Variants in SEC24A observed in about 807,000 individuals in gnomAD.
The protein encoded by SEC24A is protein transport protein Sec24A.
SEC24A carries 93 observed loss-of-function variants against 129.4 expected under a neutral mutation model. That is an observed-to-expected ratio of 0.72 (90% confidence interval 0.61 to 0.85). The LOEUF is 0.85. Among genes scored for constraint, SEC24A ranks in the 40% least tolerant of loss-of-function variants. The probability of loss-of-function intolerance (pLI) is 0.00; values close to 1 mark genes in which losing one functional copy is unlikely to be tolerated. For missense variants in SEC24A, 1,264 were observed against 1,307.4 expected (o/e 0.97, Z 0.51); for synonymous variants, 460 against 467.3 (o/e 0.98, Z 0.20).
intron 17 of SEC24A, among the ~76,000 whole-genome samples, chr5:134,707,730 C>A (rs779264448): frequency 3.2e-4 from 49 of 152,182 alleles, no homozygotes; most frequent in Admixed American, 8.5e-4. Context: ...TAAACTGTCA[C>A]AACTTTGTAA....
chr5:134,695,101 G>A (rs529760316), intron 13 of SEC24A, among the ~76,000 whole-genome samples: 55 of 152,212 alleles, frequency 3.6e-4, no homozygotes, highest in African/African-American at 1.2e-3. Context: ...CAAGTGTGGT[G>A]GCTTGTGCCT....
intron 20 of SEC24A, among the ~76,000 whole-genome samples, chr5:134,719,100 G>A (rs1033472740): frequency 1.3e-5 from 2 of 152,096 alleles, no homozygotes; most frequent in Non-Finnish European, 2.9e-5. Flanking sequence ...AAAATAATTT[G>A]TCCGGGCATG....
In SEC24A at chr5:134,661,482, G is replaced by C; in HGVS notation, c.461G>C (p.Arg154Pro). 6.2e-7 allele frequency: 1 copy of C among 1,614,082 alleles called. No individual in the cohort carries two copies. The highest frequency in any genetic ancestry group is 8.5e-7 in the Non-Finnish European group (1 of 1,180,004). Residue 154 changes from arginine to proline, a missense_variant, in exon 2 of 23, where the codon CGT becomes CCT. Transcript: ENST00000398844. The stretch of plus-strand genomic sequence containing the variant: ...GCCTCACAAACAAACCATTGTCCTC[G>C]TGCATCATCCCAACCAACTGTATCT... ...STASQTNHCP[R>P]ASSQPTVSGN...
In SEC24A at chr5:134,674,748, C is replaced by A. The variant is rs371149076; in HGVS notation, c.951C>A (p.Tyr317Ter). Residue 317 changes from tyrosine to a stop codon, truncating the protein, a stop_gained, in exon 5 of 23, where the codon TAC becomes TAA. Coordinates refer to ENST00000398844, the MANE Select transcript of SEC24A (RefSeq NM_021982.3). LOFTEE classifies it high-confidence loss of function. ...GAGTACCACCCTCTTCCTTGAATTA[C>A]CCAAGTGGGCCACAAGCCTTTACTC... ...ATGVPPSSLN[Y>*]PSGPQAFTQT... 1.9e-6 allele frequency: 3 copies of A among 1,613,296 alleles called. No individual in the cohort carries two copies. Among genetic ancestry groups the A allele is most frequent in the African/African-American group, 2.7e-5 (2 of 74,868 alleles).
chr5:134,723,559 G>T lies in SEC24A; in HGVS notation c.3064-8G>T. 1 of 1,574,462 alleles carries T rather than the reference G, an allele frequency of 6.4e-7. No homozygotes were observed. The highest frequency in any genetic ancestry group is 8.7e-7 in the Non-Finnish European group (1 of 1,144,592). On this transcript the variant is annotated splice_polypyrimidine_tract_variant and splice_region_variant and intron_variant, in intron 21 of 22. Transcript: ENST00000398844. ...AAGTAATTGGATATTGTTGGTTTTG[G>T]TTAACAGACAGACCTTCCAGAACTT...
At chr5:134,690,481 T>G (rs1274538427) in intron 11 of SEC24A, among the ~76,000 whole-genome samples, 1 of 152,186 alleles carries the variant, frequency 6.6e-6, no homozygotes, top group Non-Finnish European at 1.5e-5. Context: ...GCCCAGCTAA[T>G]TTTTAAAATT....
At chr5:134,674,812 A>T (rs747920664) in intron 5 of SEC24A, 37 bp downstream of exon 5, 7 of 1,595,290 alleles carry the variant, frequency 4.4e-6, no homozygotes, top group Middle Eastern at 1.7e-4. Flanking sequence ...CTATTTCTCC[A>T]TTTGGTTTAA....
intron 8 of SEC24A, among the ~76,000 whole-genome samples, chr5:134,682,163 A>G (rs533749956): frequency 6.6e-6 from 1 of 152,080 alleles, no homozygotes; most frequent in Non-Finnish European, 1.5e-5. Context: ...GAATCGCTTG[A>G]ACCTAGGAGG....
rs1749957695 is a variant in SEC24A, at chr5:134,649,080, T to G, written c.4T>G (p.Ser2Ala). 1.2e-6 allele frequency: 2 copies of G among 1,608,272 alleles called. No homozygotes were observed. The highest frequency in any genetic ancestry group is 1.7e-6 in the Non-Finnish European group (2 of 1,177,362). ...AGCCCCTTCCAACCCAGTCATCATG[T>G]CCCAGCCGGGAATACCGGCCTCCGG... is the stretch of plus-strand genomic sequence containing the variant. Reference protein sequence around the residue: MSQPGIPASGGA... With the variant: MAQPGIPASGGA... Residue 2 changes from serine to alanine, a missense_variant, in exon 1 of 23, where the codon TCC becomes GCC. By Grantham distance (99) the Ser-to-Ala change is moderately conservative. Coordinates refer to ENST00000398844, the MANE Select transcript of SEC24A (RefSeq NM_021982.3).
At chr5:134,718,862 T>C (rs911093405) in intron 20 of SEC24A, among the ~76,000 whole-genome samples, 1 of 149,896 alleles carries the variant, frequency 6.7e-6, no homozygotes, top group African/African-American at 2.5e-5. Context: ...CCTAACTACT[T>C]GGGAAGCCGA....
At chr5:134,690,904 AGCTCACTG>A (rs1232447234) in intron 11 of SEC24A, among the ~76,000 whole-genome samples, 9 of 148,922 alleles carry the variant, frequency 6.0e-5, no homozygotes, top group Middle Eastern at 3.8e-3. Flanking sequence ...GCGCGATCTC[AGCTCACTG>A]GCTCACTGGC....
At chr5:134,667,062 G>A in intron 3 of SEC24A, 66 bp downstream of exon 3, 3 of 1,328,274 alleles carry the variant, frequency 2.3e-6, no homozygotes, top group Non-Finnish European at 3.1e-6. Flanking sequence ...ATGAATATTA[G>A]CTGAATTCTG....
chr5:134,649,226 G>C, intron 1 of SEC24A, 53 bp downstream of exon 1: 1 of 1,289,866 alleles, frequency 7.8e-7, no homozygotes, highest in South Asian at 1.3e-5. Context: ...ACTGACCTTT[G>C]CGTGCCACTG....
rs1580723752 is a variant in SEC24A, at chr5:134,697,925, A to G, written c.2134A>G (p.Ser712Gly). 1.9e-6 allele frequency: 3 copies of G among 1,612,800 alleles called. No individual in the cohort carries two copies. The highest frequency in any genetic ancestry group is 4.5e-5 in the East Asian group (2 of 44,862). Residue 712 changes from serine to glycine, a missense_variant, in exon 15 of 23, where the codon AGT becomes GGT. Ser to Gly is a moderately conservative substitution (Grantham distance 56). Transcript: ENST00000398844. ...TTGTATTTCTCGGTATTCAGCAGGT[A>G]GTGTCTATTACTATCCCTCTTACCA... ...LGCISRYSAG[S>G]VYYYPSYHHQ...
chr5:134,654,100 A>G (rs1051181950), intron 1 of SEC24A, among the ~76,000 whole-genome samples: 13 of 151,904 alleles, frequency 8.6e-5, no homozygotes, highest in Admixed American at 8.5e-4. Flanking sequence ...TTAAGGCTGC[A>G]ATGAGCCATG....
Position 134,727,566 on chromosome 5 carries a change from C to G in SEC24A, c.*2472C>G, listed in dbSNP as rs150328223. The G allele has an allele frequency of 6.6e-6, 1 of 152,382 alleles. No individual in the cohort carries two copies. Among genetic ancestry groups the G allele is most frequent in the African/African-American group, 2.4e-5 (1 of 41,402 alleles). The allele number at this position is 152,382 out of a possible 1,614,324, so 9.4% of individuals were successfully genotyped here. Reference sequence around the variant, plus strand: ...TCTTCTAATCAAAGATGCATAACAGCTATTATCTAGGGGACCACCAAATGT... The same window carrying G: ...TCTTCTAATCAAAGATGCATAACAGGTATTATCTAGGGGACCACCAAATGT... On this transcript the variant is annotated 3_prime_UTR_variant, in exon 23 of 23. Transcript: ENST00000398844.
chr5:134,717,553 T>C (rs914180251), intron 19 of SEC24A, among the ~76,000 whole-genome samples: 1 of 152,034 alleles, frequency 6.6e-6, no homozygotes, highest in Non-Finnish European at 1.5e-5. Flanking sequence ...AGAAGTTAAT[T>C]TGGCTTTATT....
At chr5:134,705,236 C>A in intron 16 of SEC24A, 91 bp from the exon 17 acceptor site, 1 of 940,552 alleles carries the variant, frequency 1.1e-6, no homozygotes, top group Non-Finnish European at 1.7e-6. Flanking sequence ...CCACTGCACC[C>A]AGCTAAGAAG....
Position 134,679,791 on chromosome 5 carries a change from T to C in SEC24A, c.1381+63T>C, listed in dbSNP as rs957843580. 5.2e-6 allele frequency: 7 copies of C among 1,333,946 alleles called. No individual in the cohort carries two copies. The Admixed American group carries it at 1.2e-4, about 22-fold the overall frequency. The allele number at this position is 1,333,946 out of a possible 1,614,324, so 82.6% of individuals were successfully genotyped here. On this transcript the variant is annotated intron_variant, in intron 8 of 22. Transcript: ENST00000398844. ...CTTGCATTGTAGGGAAATCAGATGA[T>C]ACAAATGCACAGTTAAAAAAAAAAA...
Sources: gnomAD v4.1 joint callset for allele counts (sites outside exome capture counted in the v4.1 genomes callset) on GRCh38, gnomAD v4.1.1 for gene constraint, MANE v1.5 for transcripts, NCBI Gene and HGNC (gene_info 2026-07-23, HGNC 2026-07-21) for gene names.